Variants in SETD4 observed in about 807,000 individuals in gnomAD.
The protein encoded by SETD4 is SET domain containing 4, also known as SET domain-containing protein 4.
Under a neutral mutation model 58.3 loss-of-function variants are expected in SETD4, and 46 were observed. The observed-to-expected ratio is 0.79, with a 90% CI of 0.62 to 1.01. The LOEUF (loss-of-function observed/expected upper bound fraction) is 1.01. Among genes scored for constraint, SETD4 ranks in the 50% least tolerant of loss-of-function variants. The probability of loss-of-function intolerance (pLI) is 0.00; values close to 1 mark genes in which losing one functional copy is unlikely to be tolerated. For synonymous variants in SETD4, 190 were observed against 202.6 expected (o/e 0.94, Z 0.53); for missense variants, 490 against 523.3 (o/e 0.94, Z 0.62).
intron 6 of SETD4, among the ~76,000 whole-genome samples, chr21:36,045,177 T>C (rs4817763): frequency 0.099 from 15,019 of 152,218 alleles, 961 homozygotes; most frequent in East Asian, 0.22. Context: ...AGCAAGTCAG[T>C]CAGCGATCAG....
At position 36,036,202 on chromosome 21, in the gene SETD4, A is replaced by G; in HGVS notation, c.1238T>C (p.Leu413Ser). 9 of 1,613,546 alleles carry G rather than the reference A, an allele frequency of 5.6e-6. No individual in the cohort carries two copies. The highest frequency in any genetic ancestry group is 7.6e-6 in the Non-Finnish European group (9 of 1,179,858). ...EKEALINQLTLVESLWTEELK... is the reference protein window; with the variant it reads ...EKEALINQLTSVESLWTEELK... ...CTCTTCCGTCCACAAGGATTCCACC[A>G]AAGTTAGTTGGTTTATCAGGGCCTC... is the stretch of plus-strand genomic sequence containing the variant. The change falls in exon 11 of 12, where the codon TTG becomes TCG. Residue 413 changes from leucine (L) to serine (S), a missense_variant. Coordinates refer to ENST00000332131, the MANE Select transcript of SETD4 (RefSeq NM_017438.5).
intron 6 of SETD4, among the ~76,000 whole-genome samples, chr21:36,044,442 C>T (rs1005523462): frequency 1.3e-5 from 2 of 152,182 alleles, no homozygotes; most frequent in Non-Finnish European, 1.5e-5. Context: ...CTGTGGTCTT[C>T]CTACAGTAAA....
At position 36,038,374 on chromosome 21, in the gene SETD4, G is replaced by A. The variant is rs79387782; in HGVS notation, c.1065-101C>T. On this transcript the variant is annotated intron_variant, in intron 9 of 11. Transcript: ENST00000332131. ...TAAACTCCTTCTCCTATTTCTCCAGGAGCATAATACAACTCATTCCATAAG... is the reference window on the plus strand; with the variant it reads ...TAAACTCCTTCTCCTATTTCTCCAGAAGCATAATACAACTCATTCCATAAG... 2,035 of 1,397,328 alleles carry A rather than the reference G, an allele frequency of 1.5e-3. 23 individuals are homozygous for A. The African/African-American group carries it at 0.024, about 17-fold the overall frequency. The allele number at this position is 1,397,328 out of a possible 1,614,324, so 86.6% of individuals were successfully genotyped here.
At chr21:36,059,807 G>A (rs1601309244) in intron 1 of SETD4, 3 of 985,508 alleles carry the variant, frequency 3.0e-6, no homozygotes, top group Non-Finnish European at 3.6e-6. Context: ...CGCAGTATAA[G>A]GTTCATTATT....
At chr21:36,046,795 G>A (rs750617361) in intron 5 of SETD4, among the ~76,000 whole-genome samples, 20 of 152,096 alleles carry the variant, frequency 1.3e-4, no homozygotes, top group Non-Finnish European at 1.9e-4. Context: ...TCAATCCTTC[G>A]ACATCCAGAT....
At chr21:36,050,695 C>T (rs368269347) in intron 4 of SETD4, 18 of 1,606,584 alleles carry the variant, frequency 1.1e-5, no homozygotes, top group Middle Eastern at 1.6e-4. Flanking sequence ...GTAAAGAATA[C>T]GCGGGGTCAT....
At chr21:36,043,392 G>C (rs1472267049) in intron 7 of SETD4, 15 of 835,930 alleles carry the variant, frequency 1.8e-5, no homozygotes, top group Non-Finnish European at 2.2e-5. Context: ...GATTAACACA[G>C]TGTCTTACCC....
intron 4 of SETD4, among the ~76,000 whole-genome samples, chr21:36,048,717 C>CTTT (rs5843739): frequency 1.5e-4 from 19 of 129,720 alleles, no homozygotes; most frequent in South Asian, 2.5e-4. Flanking sequence ...TGTTTCTTCA[C>CTTT]TTTTTTTTTT....
At chr21:36,054,983 T>C (rs894455878) in intron 3 of SETD4, among the ~76,000 whole-genome samples, 1 of 152,244 alleles carries the variant, frequency 6.6e-6, no homozygotes, top group Non-Finnish European at 1.5e-5. Context: ...CAAGTTGGAT[T>C]TGATGAGTCC....
intron 5 of SETD4, among the ~76,000 whole-genome samples, chr21:36,046,416 C>A (rs1163885611): frequency 6.6e-6 from 1 of 152,196 alleles, no homozygotes; most frequent in Non-Finnish European, 1.5e-5. Context: ...CTGAGACCTG[C>A]ACCATCCGAT....
rs2063752880 is a variant in SETD4, at chr21:36,035,578, G to GC, written c.*414dup. ...CACACAGGGAAGGGCTGGCGTCTGGGCCACCCTGGCGGGGATCCAGGACTA... is the reference window on the plus strand; with the variant it reads ...CACACAGGGAAGGGCTGGCGTCTGGGCCCACCCTGGCGGGGATCCAGGACTA... On this transcript the variant is annotated 3_prime_UTR_variant, in exon 12 of 12. Coordinates refer to ENST00000332131, the MANE Select transcript of SETD4 (RefSeq NM_017438.5). 1 of 162,138 alleles carries GC rather than the reference G, an allele frequency of 6.2e-6. No individual in the cohort carries two copies. The highest frequency in any genetic ancestry group is 1.4e-5 in the Non-Finnish European group (1 of 73,584). The allele number at this position is 162,138 out of a possible 1,614,324, so 10.0% of individuals were successfully genotyped here.
chr21:36,037,855 G>A (rs536163637), intron 10 of SETD4, among the ~76,000 whole-genome samples: 6 of 150,838 alleles, frequency 4.0e-5, no homozygotes, highest in Non-Finnish European at 7.4e-5. Context: ...CATTAGCTGG[G>A]CATGGTGGCG....
At chr21:36,040,750 G>T in intron 8 of SETD4, 95 bp from the exon 9 acceptor site, 2 of 1,097,366 alleles carry the variant, frequency 1.8e-6, no homozygotes, top group Non-Finnish European at 2.8e-6. Flanking sequence ...TTTTAAAGAG[G>T]TTGCTAAATG....
intron 5 of SETD4, among the ~76,000 whole-genome samples, chr21:36,047,323 G>C (rs551417278): frequency 6.6e-6 from 1 of 152,214 alleles, no homozygotes; most frequent in Non-Finnish European, 1.5e-5. Context: ...ACTGCGGGTC[G>C]CTCTCACTCT....
intron 4 of SETD4, chr21:36,050,277 T>C (rs1472543105): frequency 2.5e-6 from 4 of 1,580,694 alleles, no homozygotes; most frequent in East Asian, 2.2e-5. Context: ...CAGGGAAGAC[T>C]ATCCTCAAAC....
intron 4 of SETD4, 94 bp downstream of exon 4, chr21:36,053,489 A>G: frequency 4.2e-6 from 5 of 1,181,146 alleles, no homozygotes; most frequent in Admixed American, 3.4e-5. Flanking sequence ...AAATGACTGT[A>G]TGTCTGAAAT....
chr21:36,045,808 T>C lies in SETD4; in HGVS notation c.500A>G (p.Gln167Arg), dbSNP rs774168808. 5 of 1,614,096 alleles carry C rather than the reference T, an allele frequency of 3.1e-6. No homozygotes were observed. The highest frequency in any genetic ancestry group is 1.6e-4 in the Middle Eastern group (1 of 6,084). ...GTCTCTGGAGGAAGCAAAGAACTCC[T>C]GCACGTGGGCTCTCTGCTCTTCAGC... ...AKAEEQRAHV[Q>R]EFFASSRDFF... The change falls in exon 6 of 12, where the codon CAG becomes CGG. Residue 167 changes from glutamine (Q) to arginine (R), a missense_variant. Gln to Arg is a conservative substitution (Grantham distance 43, BLOSUM62 1). Transcript: ENST00000332131.
intron 10 of SETD4, among the ~76,000 whole-genome samples, chr21:36,037,081 G>C (rs1479639513): frequency 1.3e-5 from 2 of 152,110 alleles, no homozygotes; most frequent in Non-Finnish European, 2.9e-5. Context: ...AGCTGGACCA[G>C]AGGATTAAGT....
rs768113413 is a variant in SETD4 at position 36,046,015 on chromosome 21, T to C, written c.297-4A>G. On this transcript the variant is annotated splice_region_variant and splice_polypyrimidine_tract_variant and intron_variant, in intron 5 of 11. Coordinates refer to ENST00000332131, the MANE Select transcript of SETD4 (RefSeq NM_017438.5). The stretch of plus-strand genomic sequence containing the variant: ...AGGAGATGGAGGAGGCTTCCACCTT[T>C]GAAAATTAAAAGCCAGTTTAAAGGA... The C allele has an allele frequency of 6.2e-7, 1 of 1,603,298 alleles. No individual in the cohort carries two copies. The highest frequency in any genetic ancestry group is 1.3e-5 in the African/African-American group (1 of 74,262).
Sources: allele counts gnomAD v4.1 joint callset (sites outside exome capture counted in the v4.1 genomes callset), GRCh38; gene constraint gnomAD v4.1.1; transcripts MANE v1.5; gene names NCBI Gene and HGNC (gene_info 2026-07-23, HGNC 2026-07-21).